PLPPR4: variants seen among roughly 807,000 people sequenced by gnomAD.
PLPPR4 encodes phospholipid phosphatase-related protein type 4.
PLPPR4 carries 24 observed loss-of-function variants against 56.6 expected under a neutral mutation model. That is an observed-to-expected ratio of 0.42 (90% CI 0.31 to 0.60). The LOEUF is 0.60. Ranked by LOEUF, PLPPR4 falls within the 20% of genes least tolerant of loss-of-function variation. The pLI, the probability that PLPPR4 is intolerant of heterozygous loss-of-function variation, is 0.13. For synonymous variants in PLPPR4, 326 were observed against 328.1 expected (o/e 0.99, Z 0.07); for missense variants, 654 against 885.8 (o/e 0.74, Z 3.32).
At chr1:99,264,401 A>T (rs1160687451), upstream of PLPPR4, 1 of 1,416,784 alleles carries the variant, frequency 7.1e-7, no homozygotes, top group Admixed American at 2.8e-5. Flanking sequence ...CCGCTCAGGG[A>T]ATAGCTGGGT....
At chr1:99,265,975 GA>G (rs914578835) in intron 1 of PLPPR4, among the ~76,000 whole-genome samples, 82 of 151,000 alleles carry the variant, frequency 5.4e-4, no homozygotes, top group African/African-American at 1.7e-3. Flanking sequence ...TAGAAAAGAA[GA>G]AAAAAAAATC....
rs1444574680 is a variant in PLPPR4, at chr1:99,306,830, C to A, written c.1968C>A (p.Arg656=). Residue 656 remains arginine, a synonymous_variant, in exon 7 of 7, where the codon CGC becomes CGA. Coordinates refer to ENST00000370185, the MANE Select transcript of PLPPR4 (RefSeq NM_014839.5). The surrounding 1 kb of genome is among the most constrained non-coding windows in gnomAD (Gnocchi z 4.0). ...EHHHHGITTI[R]VTPVEGSEIG... ...ACCACCACGGAATTACCACCATCCG[C>A]GTCACCCCAGTAGAGGGCAGCGAAA... The A allele has an allele frequency of 1.2e-6, 2 of 1,614,096 alleles. No homozygotes were observed. Among genetic ancestry groups the A allele is most frequent in the Admixed American group, 3.3e-5 (2 of 60,020 alleles).
chr1:99,269,909 C>A lies in PLPPR4; in HGVS notation c.78+5238C>A, dbSNP rs149472398. 1.3e-3 allele frequency among the ~76,000 whole-genome samples: 194 copies of A among 152,234 alleles called. 1 individual carries two copies. Among genetic ancestry groups the A allele is most frequent in the African/African-American group, 4.5e-3 (185 of 41,544 alleles). The stretch of plus-strand genomic sequence containing the variant: ...TAAGAATATCATCTCTCTCTCCACT[C>A]AGCATAAAATTACAGTATCTGAAGC... On this transcript the variant is annotated intron_variant, in intron 1 of 6. Transcript: ENST00000370185.
intron 2 of PLPPR4, among the ~76,000 whole-genome samples, chr1:99,292,462 C>G (rs987510842): frequency 6.6e-6 from 1 of 152,174 alleles, no homozygotes; most frequent in African/African-American, 2.4e-5. Flanking sequence ...ACCAGGCTGA[C>G]GTAGGAAGTC....
chr1:99,303,251 G>C (rs1659931035), intron 6 of PLPPR4, among the ~76,000 whole-genome samples: 1 of 152,094 alleles, frequency 6.6e-6, no homozygotes, highest in Non-Finnish European at 1.5e-5. Context: ...GGGGGAACAG[G>C]AGGAATGAGA....
rs1659752941 is a variant in PLPPR4, at chr1:99,296,804, C to G, written c.331C>G (p.Pro111Ala). ...AAGAAGAAATGGGGTCGGACTAGAG[C>G]CCAACATTAATGCTGGAGGCTGCAA... ...SKRRNGVGLEPNINAGGCNFN... is the reference protein window; with the variant it reads ...SKRRNGVGLEANINAGGCNFN... Residue 111 changes from proline (P) to alanine (A), a missense_variant, in exon 3 of 7, where the codon CCC (proline) becomes GCC (alanine). Around this residue, in one of 2 missense-constraint regions of PLPPR4, gnomAD observed 186 missense variants for 331.4 expected, o/e 0.56. Transcript: ENST00000370185. 2 of 1,605,344 alleles carry G rather than the reference C, an allele frequency of 1.2e-6. No individual in the cohort carries two copies. The highest frequency in any genetic ancestry group is 1.7e-5 in the Admixed American group (1 of 59,858).
upstream of PLPPR4, among the ~76,000 whole-genome samples, chr1:99,263,655 G>C (rs1045658089): frequency 1.3e-5 from 2 of 152,042 alleles, no homozygotes; most frequent in Admixed American, 1.3e-4. Context: ...ACAAAATTGA[G>C]ACTAGCCATG....
At chr1:99,302,927 G>C (rs988722464) in intron 6 of PLPPR4, among the ~76,000 whole-genome samples, 2 of 151,540 alleles carry the variant, frequency 1.3e-5, no homozygotes, top group South Asian at 4.2e-4. Flanking sequence ...TTGGACATTT[G>C]GGTTGGTTCC....
chr1:99,286,994 T>C (rs1659481097), intron 1 of PLPPR4, among the ~76,000 whole-genome samples: 1 of 152,128 alleles, frequency 6.6e-6, no homozygotes, highest in South Asian at 2.1e-4. Flanking sequence ...TGTGCCATAG[T>C]GGTTTGCTGC....
At chr1:99,284,787 C>T (rs1659420775) in intron 1 of PLPPR4, among the ~76,000 whole-genome samples, 1 of 151,918 alleles carries the variant, frequency 6.6e-6, no homozygotes, top group Non-Finnish European at 1.5e-5. Flanking sequence ...GTTAATGTGG[C>T]ATATATGTAT....
chr1:99,301,848 T>C lies in PLPPR4; in HGVS notation c.773T>C (p.Val258Ala). The C allele has an allele frequency of 6.2e-7, 1 of 1,612,436 alleles. No homozygotes were observed. The highest frequency in any genetic ancestry group is 8.5e-7 in the Non-Finnish European group (1 of 1,178,816). The change falls in exon 6 of 7, where the codon GTT becomes GCT. Residue 258 changes from valine (V) to alanine (A), a missense_variant. Val to Ala is a moderately conservative substitution (Grantham distance 64). This residue lies in a region of PLPPR4 where 186 missense variants were observed against 331.4 expected (regional missense o/e 0.56). Transcript: ENST00000370185. ...ATAACTCAGTATAAGAACCACCCAG[T>C]TGATGTCTATTGTGGCTTTTTAATA... ...TRITQYKNHP[V>A]DVYCGFLIGG...
chr1:99,306,033 A>G lies in PLPPR4; in HGVS notation c.1171A>G (p.Met391Val), dbSNP rs759482852. Reference sequence around the variant, plus strand: ...AAGAAATGCGAGCATTCATGCCTCTATGGATTCCGCTCGATCAAAGCAGCT... The same window carrying G: ...AAGAAATGCGAGCATTCATGCCTCTGTGGATTCCGCTCGATCAAAGCAGCT... Reference protein sequence around the residue: ...VRRNASIHASMDSARSKQLLT... With the variant: ...VRRNASIHASVDSARSKQLLT... The change falls in exon 7 of 7, where the codon ATG becomes GTG. Residue 391 changes from methionine (M) to valine (V), a missense_variant. This residue lies in a region of PLPPR4 where 468 missense variants were observed against 554.3 expected (regional missense o/e 0.84). Coordinates refer to ENST00000370185, the MANE Select transcript of PLPPR4 (RefSeq NM_014839.5). The surrounding 1 kb of genome is among the most constrained non-coding windows in gnomAD (Gnocchi z 4.0). 1.2e-6 allele frequency: 2 copies of G among 1,614,202 alleles called. No homozygotes were observed. The highest frequency in any genetic ancestry group is 1.7e-6 in the Non-Finnish European group (2 of 1,180,034).
intron 1 of PLPPR4, among the ~76,000 whole-genome samples, chr1:99,266,848 C>G (rs1658912219): frequency 6.6e-6 from 1 of 152,218 alleles, no homozygotes; most frequent in African/African-American, 2.4e-5. Flanking sequence ...TGACCACATG[C>G]ACTATCACGC....
chr1:99,301,948 G>C (rs780791250), intron 6 of PLPPR4, 51 bp downstream of exon 6: 13 of 1,368,330 alleles, frequency 9.5e-6, no homozygotes, highest in Non-Finnish European at 1.3e-5. Flanking sequence ...TGGAAAACAT[G>C]CATAGAATAT....
intron 1 of PLPPR4, among the ~76,000 whole-genome samples, chr1:99,277,315 C>A (rs1489128122): frequency 6.6e-6 from 1 of 152,166 alleles, no homozygotes; most frequent in East Asian, 1.9e-4. Context: ...CTCTTGTCTG[C>A]AGCCAATCTG....
intron 2 of PLPPR4, among the ~76,000 whole-genome samples, chr1:99,295,127 A>G (rs1339672589): frequency 6.6e-6 from 1 of 152,190 alleles, no homozygotes; most frequent in South Asian, 2.1e-4. Flanking sequence ...TCAGCATCCA[A>G]TGGTTTGAAA....
At chr1:99,295,208 A>G (rs932477412) in intron 2 of PLPPR4, among the ~76,000 whole-genome samples, 2 of 152,218 alleles carry the variant, frequency 1.3e-5, no homozygotes, top group African/African-American at 2.4e-5. Context: ...ATTTTCACAC[A>G]TATGGTTATA....
At chr1:99,264,744 G>A (rs1658848336) in intron 1 of PLPPR4, 73 bp downstream of exon 1, 24 of 1,496,188 alleles carry the variant, frequency 1.6e-5, no homozygotes, top group Non-Finnish European at 5.5e-6. Flanking sequence ...GTCCTGGACA[G>A]TGTTGGAGGC....
chr1:99,301,746 C>T lies in PLPPR4; in HGVS notation c.671C>T (p.Thr224Met), dbSNP rs757156058. Residue 224 changes from threonine to methionine, a missense_variant, in exon 6 of 7, where the codon ACG becomes ATG. This residue lies in a region of PLPPR4 where 186 missense variants were observed against 331.4 expected (regional missense o/e 0.56). Coordinates refer to ENST00000370185, the MANE Select transcript of PLPPR4 (RefSeq NM_014839.5). ...YVSMYFNSTL[T>M]DSSKLLKPLL... ...AAGATGTACTTCAATTCCACATTAA[C>T]GGATTCCTCTAAGCTTCTGAAACCT... The T allele has an allele frequency of 1.4e-5, 23 of 1,607,090 alleles. No homozygotes were observed. Among genetic ancestry groups the T allele is most frequent in the Admixed American group, 3.4e-5 (2 of 59,478 alleles).
Sources: allele counts gnomAD v4.1 joint callset (sites outside exome capture counted in the v4.1 genomes callset), GRCh38; gene constraint gnomAD v4.1.1; regional missense constraint gnomAD v4.1.1; non-coding constraint Gnocchi (gnomAD v3.1); transcripts MANE v1.5; gene names NCBI Gene and HGNC (gene_info 2026-07-23, HGNC 2026-07-21).